Variants in ANHX observed in about 807,000 individuals in gnomAD.
The protein encoded by ANHX is anomalous homeobox.
A neutral mutation model predicts 38.9 loss-of-function variants in ANHX; 20 were observed. The observed-to-expected ratio is 0.51, with a 90% CI of 0.36 to 0.75. The LOEUF is 0.75. ANHX is among the 30% of genes least tolerant of loss of function. The probability of loss-of-function intolerance (pLI) is 0.00; values close to 1 mark genes in which losing one functional copy is unlikely to be tolerated. For synonymous variants in ANHX, 185 were observed against 203.1 expected (o/e 0.91, Z 0.76); for missense variants, 475 against 493.1 (o/e 0.96, Z 0.35).
intron 1 of ANHX, 61 bp downstream of exon 1, chr12:133,235,746 G>A (rs1241329322): frequency 3.7e-5 from 4 of 107,966 alleles, no homozygotes; most frequent in Admixed American, 8.8e-5. Context: ...CACATTCCAG[G>A]CCCCCCCTGC....
rs1203335817 is a variant in ANHX, at chr12:133,219,315, T to C, written c.1333A>G (p.Met445Val). 2.0e-6 allele frequency: 3 copies of C among 1,535,466 alleles called. No homozygotes were observed. The highest frequency in any genetic ancestry group is 2.4e-5 in the South Asian group (2 of 84,020). Residue 445 changes from methionine (M) to valine (V), a missense_variant, in exon 9 of 10, where the codon ATG (methionine) becomes GTG (valine). Transcript: ENST00000545940. ...GAGGGCAGGGCCTGGCTCAGCTCCA[T>C]GGCAGACACAGGGCCGGGGAAGGCA... ...PSAFPGPVSA[M>V]ELSQALPSSQ...
At chr12:133,228,699 C>T (rs1049900659) in intron 3 of ANHX, among the ~76,000 whole-genome samples, 8 of 152,200 alleles carry the variant, frequency 5.3e-5, no homozygotes, top group African/African-American at 1.7e-4. Context: ...AGGCTCCAGC[C>T]GTGGCACCTG....
At chr12:133,228,280 G>A (rs1163601386) in intron 3 of ANHX, among the ~76,000 whole-genome samples, 1 of 151,252 alleles carries the variant, frequency 6.6e-6, no homozygotes, top group Non-Finnish European at 1.5e-5. Flanking sequence ...TGGAGGCCGC[G>A]TGCACAGCCT....
At chr12:133,220,813 G>A (rs1015927084) in intron 8 of ANHX, among the ~76,000 whole-genome samples, 13 of 152,216 alleles carry the variant, frequency 8.5e-5, no homozygotes, top group African/African-American at 2.7e-4. Flanking sequence ...TCAACAGCAA[G>A]TGCTCACGGA....
At chr12:133,232,671 C>T (rs562030468) in intron 2 of ANHX, among the ~76,000 whole-genome samples, 1 of 152,184 alleles carries the variant, frequency 6.6e-6, no homozygotes, top group African/African-American at 2.4e-5. Flanking sequence ...TGTGGGTCAC[C>T]CTGACTGAGC....
Position 133,224,750 on chromosome 12 carries a change from G to A in ANHX, c.1132+786C>T, listed in dbSNP as rs1015363538. ...GGAGGCCGAGGCGGGCGGATCATGA[G>A]GTCAGGAGATCAAGACCATCCTGGC... is the stretch of plus-strand genomic sequence containing the variant. On this transcript the variant is annotated intron_variant, in intron 7 of 9. Transcript: ENST00000545940. Among the ~76,000 whole-genome samples the A allele has an allele frequency of 9.9e-5, 15 of 151,098 alleles. No homozygotes were observed. In the East Asian group the frequency reaches 1.2e-3, roughly 12 times the overall value.
Position 133,226,555 on chromosome 12 carries a change from A to G in ANHX, c.719-117T>C, listed in dbSNP as rs187763245. 1,507 of 1,379,406 alleles carry G rather than the reference A, an allele frequency of 1.1e-3. 17 individuals are homozygous for G. The East Asian group carries it at 0.027, about 25-fold the overall frequency. The allele number at this position is 1,379,406 out of a possible 1,614,324, so 85.4% of individuals were successfully genotyped here. A position where few individuals can be genotyped will look rare whatever the true frequency, so the allele number is the denominator to read the frequency against. ...AGGCTGTTGCCATGGGGCCATCCCA[A>G]TGTTTTTGCTTCTTGTCCTGTCTTT... is the stretch of plus-strand genomic sequence containing the variant. On this transcript the variant is annotated intron_variant, in intron 5 of 9. Transcript: ENST00000545940.
At chr12:133,227,401 T>C (rs755009219) in intron 4 of ANHX, among the ~76,000 whole-genome samples, 2 of 152,122 alleles carry the variant, frequency 1.3e-5, no homozygotes, top group African/African-American at 2.4e-5. Flanking sequence ...CACGTCCCCC[T>C]GAGTGGGGCC....
rs999406905 is a variant in ANHX, at chr12:133,218,785, C to A, written c.*100G>T. 34 of 872,734 alleles carry A rather than the reference C, an allele frequency of 3.9e-5. No individual in the cohort carries two copies. The African/African-American group carries it at 5.2e-4, about 13-fold the overall frequency. 54.1% of individuals were successfully genotyped at this position (872,734 alleles called of 1,614,324 possible). On this transcript the variant is annotated 3_prime_UTR_variant, in exon 10 of 10. Coordinates refer to ENST00000545940, the MANE Select transcript of ANHX (RefSeq NM_001372060.1). ...CCCCCAGGGGAACTCTGGGGACCTT[C>A]ATTTTGTATTCAGGATAAAGCTCTG...
intron 3 of ANHX, 104 bp downstream of exon 3, chr12:133,231,413 A>C: frequency 3.4e-6 from 5 of 1,454,450 alleles, no homozygotes; most frequent in Non-Finnish European, 4.6e-6. Context: ...TCCTGTCCCT[A>C]TCTCCTCACC....
Position 133,227,887 on chromosome 12 carries a change from C to G in ANHX, c.438G>C (p.Glu146Asp), listed in dbSNP as rs1445710303. Residue 146 changes from glutamate (E) to aspartate (D), a missense_variant, in exon 4 of 10, where the codon GAG becomes GAC. Coordinates refer to ENST00000545940, the MANE Select transcript of ANHX (RefSeq NM_001372060.1). ...EGLKSRNFPR[E>D]VREKLHNFAV... ...CGAAATTGTGCAGCTTCTCACGAAC[C>G]TCTCTGGGGAAGTTCCGGCTCTTCA... is the stretch of plus-strand genomic sequence containing the variant. 2 of 1,534,044 alleles carry G rather than the reference C, an allele frequency of 1.3e-6. No individual in the cohort carries two copies. Among genetic ancestry groups the G allele is most frequent in the South Asian group, 2.4e-5 (2 of 83,974 alleles).
At chr12:133,228,430 G>T (rs1252875907) in intron 3 of ANHX, among the ~76,000 whole-genome samples, 1 of 152,154 alleles carries the variant, frequency 6.6e-6, no homozygotes, top group East Asian at 1.9e-4. Context: ...GTTCATCGCT[G>T]GTTTCCAGGC....
In ANHX at chr12:133,226,331, G is replaced by T. The variant is rs1249181330; in HGVS notation, c.826C>A (p.Pro276Thr). Residue 276 changes from proline (P) to threonine (T), a missense_variant, in exon 6 of 10, where the codon CCA becomes ACA. Pro to Thr is a conservative substitution (Grantham distance 38, BLOSUM62 -1). Transcript: ENST00000545940. ...DFPADETVSK[P>T]LDVRSLPGGE... ...AGATGACAGTACCTGACATCCAGTG[G>T]CTTTGAGACTGTCTCATCTGCGGGA... 1 of 1,536,270 alleles carries T rather than the reference G, an allele frequency of 6.5e-7. No individual in the cohort carries two copies. Among genetic ancestry groups the T allele is most frequent in the South Asian group, 1.2e-5 (1 of 84,064 alleles).
At chr12:133,224,675 A>C (rs2135555970) in intron 7 of ANHX, among the ~76,000 whole-genome samples, 1 of 139,392 alleles carries the variant, frequency 7.2e-6, no homozygotes, top group East Asian at 2.2e-4. Flanking sequence ...AAAAAAAAAA[A>C]AAAAAAAATG....
In ANHX at chr12:133,234,196, T is replaced by A; in HGVS notation, c.161A>T (p.His54Leu). 1 of 1,536,162 alleles carries A rather than the reference T, an allele frequency of 6.5e-7. No homozygotes were observed. The highest frequency in any genetic ancestry group is 8.7e-7 in the Non-Finnish European group (1 of 1,146,900). Residue 54 changes from histidine to leucine, a missense_variant, in exon 2 of 10, where the codon CAT (histidine) becomes CTT (leucine). Physicochemically the swap from His to Leu is moderately conservative, Grantham distance 99 (BLOSUM62 -3). Transcript: ENST00000545940. The stretch of plus-strand genomic sequence containing the variant: ...GGCCACATCTGCGTTGTCCAGGAGA[T>A]GCAGGCGGAGCTGGCTGTCCAGAAT... ...TAILDSQLRLHLLDNADVALA... is the reference protein window; with the variant it reads ...TAILDSQLRLLLLDNADVALA...
intron 8 of ANHX, among the ~76,000 whole-genome samples, chr12:133,219,800 T>C (rs1240961777): frequency 1.3e-5 from 2 of 152,138 alleles, no homozygotes; most frequent in African/African-American, 4.8e-5. Flanking sequence ...GTGCAGACTA[T>C]ACACATACAG....
At chr12:133,226,573 CTG>C in intron 5 of ANHX, 135 bp from the exon 6 acceptor site, 1 of 1,308,484 alleles carries the variant, frequency 7.6e-7, no homozygotes, top group Non-Finnish European at 1.0e-6. Context: ...GCTTCTTGTC[CTG>C]TCTTTGGTGT....
Position 133,228,065 on chromosome 12 carries a change from A to T in ANHX, c.378-118T>A, listed in dbSNP as rs1000859601. On this transcript the variant is annotated intron_variant, in intron 3 of 9. Coordinates refer to ENST00000545940, the MANE Select transcript of ANHX (RefSeq NM_001372060.1). ...CCTTCCCTGTGCCTCCTCCTGGGGG[A>T]TGCCTCTCTCTGCCTCCAGTTAGTG... 4.1e-6 allele frequency: 5 copies of T among 1,227,648 alleles called. No homozygotes were observed. The African/African-American group carries it at 7.6e-5, about 19-fold the overall frequency. The allele number at this position is 1,227,648 out of a possible 1,614,324, so 76.0% of individuals were successfully genotyped here. A position where few individuals can be genotyped will look rare whatever the true frequency, so the allele number is the denominator to read the frequency against.
Position 133,226,380 on chromosome 12 carries a change from C to T in ANHX, c.777G>A (p.Glu259=). 17 of 1,536,252 alleles carry T rather than the reference C, an allele frequency of 1.1e-5. No individual in the cohort carries two copies. The highest frequency in any genetic ancestry group is 1.4e-5 in the Non-Finnish European group (16 of 1,146,912). ...QSPQTTQGPW[E]PLALAPDFPA... is the part of the protein sequence containing the mutation. ...GAAAGTCCGGGGCTAAGGCCAGTGG[C>T]TCCCATGGTCCTTGGGTGGTCTGTG... is the stretch of plus-strand genomic sequence containing the variant. Residue 259 remains glutamate (E), a synonymous_variant, in exon 6 of 10, where the codon GAG becomes GAA. Transcript: ENST00000545940.
Sources: allele counts gnomAD v4.1 joint callset (sites outside exome capture counted in the v4.1 genomes callset), GRCh38; gene constraint gnomAD v4.1.1; transcripts MANE v1.5; gene names NCBI Gene and HGNC (gene_info 2026-07-23, HGNC 2026-07-21).